CAB39L: variants seen among roughly 807,000 people sequenced by gnomAD.
The protein encoded by CAB39L is calcium-binding protein 39-like.
CAB39L carries 23 observed loss-of-function variants against 39.1 expected under a neutral mutation model. The ratio of observed to expected loss-of-function variants is 0.59; its 90% CI spans 0.42 to 0.83. The LOEUF (loss-of-function observed/expected upper bound fraction) is 0.83, where lower values mean the gene tolerates loss of function less well. CAB39L is among the 40% of genes least tolerant of loss of function. The pLI is 0.00. For synonymous variants in CAB39L, 126 were observed against 137.2 expected, an observed-to-expected ratio of 0.92 and a Z score of 0.57; for missense variants, 366 against 391.9, an observed-to-expected ratio of 0.93 and a Z score of 0.56.
intron 3 of CAB39L, among the ~76,000 whole-genome samples, chr13:49,430,690 T>G (rs1957307813): frequency 6.6e-6 from 1 of 152,226 alleles, no homozygotes; most frequent in African/African-American, 2.4e-5. Context: ...ACTAAACTTT[T>G]TCTCAAGTAC....
chr13:49,378,360 G>A (rs1956149330), intron 4 of CAB39L, among the ~76,000 whole-genome samples: 1 of 70,546 alleles, frequency 1.4e-5, no homozygotes, highest in Admixed American at 1.1e-4. Context: ...CGGGAGGGAG[G>A]TGGGGGGGTC....
intron 3 of CAB39L, among the ~76,000 whole-genome samples, chr13:49,404,210 G>C (rs927377812): frequency 6.6e-6 from 1 of 152,298 alleles, no homozygotes; most frequent in East Asian, 1.9e-4. Context: ...GACTCAGTAA[G>C]GGAAGAGAAC....
At position 49,429,588 on chromosome 13, in the gene CAB39L, C is replaced by T. The variant is rs1393236810; in HGVS notation, c.-32+3730G>A. Among the ~76,000 whole-genome samples the T allele has an allele frequency of 3.3e-5, 5 of 152,112 alleles. No individual in the cohort carries two copies. In the East Asian group the frequency reaches 9.6e-4, roughly 29 times the overall value. On this transcript the variant is annotated intron_variant, in intron 3 of 10. Coordinates refer to ENST00000409308, the MANE Select transcript of CAB39L (RefSeq NM_001079670.3). ...AATTGGCTGACTGGGTCAAAACATA[C>T]ATACATTTTTTAGAACCTTGCTATA...
intron 9 of CAB39L, among the ~76,000 whole-genome samples, chr13:49,337,639 C>T (rs1021171977): frequency 2.6e-5 from 4 of 151,668 alleles, no homozygotes; most frequent in Non-Finnish European, 5.9e-5. Context: ...ACAAAAACAC[C>T]CTTATCAGAG....
intron 7 of CAB39L, among the ~76,000 whole-genome samples, chr13:49,347,943 A>C (rs540622582): frequency 6.6e-6 from 1 of 150,486 alleles, no homozygotes; most frequent in Non-Finnish European, 1.5e-5. Flanking sequence ...CCCATTCTTC[A>C]TACTCCGCCT....
chr13:49,312,230 T>A lies in CAB39L; in HGVS notation c.835-1237A>T, dbSNP rs188908848. Reference sequence around the variant, plus strand: ...CTTATTATTAAAACAAGAAAAAAAATTTTTTAAATCAATTTAGTGTAGTCT... The same window carrying A: ...CTTATTATTAAAACAAGAAAAAAAAATTTTTAAATCAATTTAGTGTAGTCT... On this transcript the variant is annotated intron_variant, in intron 10 of 10. Coordinates refer to ENST00000409308, the MANE Select transcript of CAB39L (RefSeq NM_001079670.3). Among the ~76,000 whole-genome samples, 1,007 of 152,080 alleles carry A rather than the reference T, an allele frequency of 6.6e-3. 7 individuals are homozygous for A. The highest frequency in any genetic ancestry group is 0.017 in the African/African-American group (700 of 41,454).
chr13:49,413,498 A>G (rs1444568209), intron 3 of CAB39L, among the ~76,000 whole-genome samples: 3 of 152,238 alleles, frequency 2.0e-5, no homozygotes, highest in Non-Finnish European at 4.4e-5. Context: ...GCAAAAATGC[A>G]AAGACTGGAA....
intron 8 of CAB39L, 52 bp from the exon 9 acceptor site, chr13:49,339,794 G>GT: frequency 7.0e-7 from 1 of 1,421,220 alleles, no homozygotes; most frequent in Non-Finnish European, 9.2e-7. Flanking sequence ...TGGATTCTCC[G>GT]TATTAGGCTG....
intron 7 of CAB39L, among the ~76,000 whole-genome samples, chr13:49,346,120 T>TATATATATATATATATATC (rs10663110): frequency 0.011 from 995 of 88,424 alleles, 95 homozygotes; most frequent in South Asian, 0.024. Flanking sequence ...TATATATATA[T>TATATATATATATATATATC]ATATCATGGA....
At chr13:49,357,379 A>T (rs541842883) in intron 6 of CAB39L, among the ~76,000 whole-genome samples, 1 of 152,300 alleles carries the variant, frequency 6.6e-6, no homozygotes, top group African/African-American at 2.4e-5. Flanking sequence ...TAAAGACATT[A>T]CAACAGCTGG....
At chr13:49,426,578 C>G (rs1347579361) in intron 3 of CAB39L, among the ~76,000 whole-genome samples, 1 of 152,184 alleles carries the variant, frequency 6.6e-6, no homozygotes, top group African/African-American at 2.4e-5. Flanking sequence ...AGGCGCCTGC[C>G]ACCACACCCG....
chr13:49,392,673 C>T (rs1474953833), intron 3 of CAB39L, among the ~76,000 whole-genome samples: 4 of 151,698 alleles, frequency 2.6e-5, no homozygotes, highest in African/African-American at 9.7e-5. Flanking sequence ...AAACAAAAAA[C>T]AGAGGAGTCT....
intron 10 of CAB39L, among the ~76,000 whole-genome samples, chr13:49,326,110 G>A (rs1279907775): frequency 6.6e-6 from 1 of 152,174 alleles, no homozygotes; most frequent in African/African-American, 2.4e-5. Flanking sequence ...GCGAGCAAAC[G>A]ACACAGACCA....
Position 49,310,603 on chromosome 13 carries a change from C to T in CAB39L, c.*211G>A. 2 of 459,438 alleles carry T rather than the reference C, an allele frequency of 4.4e-6. No homozygotes were observed. The highest frequency in any genetic ancestry group is 3.8e-6 in the Non-Finnish European group (1 of 260,302). The allele number at this position is 459,438 out of a possible 1,614,324, so 28.5% of individuals were successfully genotyped here. ...ATCTGATACAATGGTTCTCATTTCA[C>T]ATAAATAATCACAGACTTGACTAAA... On this transcript the variant is annotated 3_prime_UTR_variant, in exon 11 of 11. Transcript: ENST00000409308.
intron 6 of CAB39L, among the ~76,000 whole-genome samples, chr13:49,357,863 T>C (rs908682542): frequency 6.6e-6 from 1 of 152,236 alleles, no homozygotes; most frequent in Admixed American, 6.5e-5. Context: ...CTCTTCATCA[T>C]CTGGTCTCAG....
intron 10 of CAB39L, among the ~76,000 whole-genome samples, chr13:49,319,346 G>GCC (rs1954282572): frequency 6.6e-6 from 1 of 152,014 alleles, no homozygotes; most frequent in Admixed American, 6.5e-5. Flanking sequence ...CACACAAAAG[G>GCC]CCACACACTG....
chr13:49,360,106 T>C (rs1162814150), intron 5 of CAB39L, among the ~76,000 whole-genome samples: 1 of 152,138 alleles, frequency 6.6e-6, no homozygotes, highest in Non-Finnish European at 1.5e-5. Flanking sequence ...TGGAAGGACA[T>C]AAAGTGAATA....
At chr13:49,348,446 T>C (rs986036403) in intron 7 of CAB39L, among the ~76,000 whole-genome samples, 4 of 152,096 alleles carry the variant, frequency 2.6e-5, no homozygotes, top group African/African-American at 9.7e-5. Flanking sequence ...TATGCGCCCG[T>C]GGTCCCAGCT....
chr13:49,337,853 G>A (rs1297256379), intron 9 of CAB39L, among the ~76,000 whole-genome samples: 1 of 151,630 alleles, frequency 6.6e-6, no homozygotes, highest in Non-Finnish European at 1.5e-5. Context: ...TGAAAACTAT[G>A]TATTTATTTG....
Sources: allele counts gnomAD v4.1 joint callset (sites outside exome capture counted in the v4.1 genomes callset), GRCh38; gene constraint gnomAD v4.1.1; transcripts MANE v1.5; gene names NCBI Gene and HGNC (gene_info 2026-07-23, HGNC 2026-07-21).